ESRRG: variants seen among roughly 807,000 people sequenced by gnomAD.
ESRRG encodes the protein estrogen-related receptor gamma.
Under a neutral mutation model 44.0 loss-of-function variants are expected in ESRRG, and 13 were observed. The ratio of observed to expected loss-of-function variants is 0.30; its 90% CI spans 0.19 to 0.47. ESRRG has a LOEUF of 0.47. Among genes scored for constraint, ESRRG ranks in the 20% least tolerant of loss-of-function variants. ESRRG has a pLI of 1.00. For synonymous variants in ESRRG, 215 were observed against 214.6 expected, an observed-to-expected ratio of 1.00 and a Z score of -0.02; for missense variants, 395 against 580.6, an observed-to-expected ratio of 0.68 and a Z score of 3.29.
intron 2 of ESRRG, among the ~76,000 whole-genome samples, chr1:216,872,635 T>C (rs891684592): frequency 6.6e-6 from 1 of 152,226 alleles, no homozygotes; most frequent in African/African-American, 2.4e-5. Flanking sequence ...ATTCTTCAAT[T>C]CTAAAATTTC....
intron 1 of ESRRG, among the ~76,000 whole-genome samples, chr1:217,023,248 C>T (rs2080644715): frequency 6.6e-6 from 1 of 152,184 alleles, no homozygotes. Context: ...ATGGAATCAG[C>T]TGCAATCGTA....
At chr1:217,013,120 A>T (rs1012740451) in intron 1 of ESRRG, among the ~76,000 whole-genome samples, 1 of 152,188 alleles carries the variant, frequency 6.6e-6, no homozygotes, top group Non-Finnish European at 1.5e-5. Flanking sequence ...TTTGAACTTG[A>T]TTACCTCTGG....
intron 1 of ESRRG, among the ~76,000 whole-genome samples, chr1:217,084,091 T>A (rs547662121): frequency 6.6e-5 from 10 of 151,652 alleles, no homozygotes; most frequent in Non-Finnish European, 1.5e-4. Context: ...TTAGGTTTTT[T>A]TCCCCATTAA....
chr1:216,743,394 A>G (rs2090993769), intron 2 of ESRRG, among the ~76,000 whole-genome samples: 2 of 152,184 alleles, frequency 1.3e-5, no homozygotes, highest in South Asian at 2.1e-4. Flanking sequence ...TAAATATCTC[A>G]GTGTGAAATT....
chr1:217,043,459 C>T (rs972911847), intron 1 of ESRRG, among the ~76,000 whole-genome samples: 1 of 152,132 alleles, frequency 6.6e-6, no homozygotes, highest in African/African-American at 2.4e-5. Flanking sequence ...TCTAATTAAC[C>T]AAAATTCTCA....
At chr1:216,572,424 G>A (rs2149681951) in intron 3 of ESRRG, among the ~76,000 whole-genome samples, 1 of 151,920 alleles carries the variant, frequency 6.6e-6, no homozygotes, top group East Asian at 1.9e-4. Flanking sequence ...TTTGAAAATA[G>A]GTTTATTCAT....
chr1:216,946,480 T>C (rs991389998), intron 1 of ESRRG, among the ~76,000 whole-genome samples: 5 of 152,104 alleles, frequency 3.3e-5, no homozygotes, highest in African/African-American at 1.2e-4. Flanking sequence ...CACCCACATC[T>C]GCATGGATCA....
At chr1:216,707,363 T>C (rs1216491349) in intron 1 of ESRRG, 2 of 1,535,738 alleles carry the variant, frequency 1.3e-6, no homozygotes, top group African/African-American at 2.7e-5. Flanking sequence ...GCCCACCTTT[T>C]AGCTGAAGGA....
intron 1 of ESRRG, among the ~76,000 whole-genome samples, chr1:216,968,935 G>A (rs1440447658): frequency 6.6e-6 from 1 of 151,938 alleles, no homozygotes; most frequent in East Asian, 1.9e-4. Flanking sequence ...TATTTTCTTA[G>A]ATTTATACTC....
At chr1:216,509,935 G>A (rs181217905) in intron 6 of ESRRG, among the ~76,000 whole-genome samples, 2 of 152,234 alleles carry the variant, frequency 1.3e-5, no homozygotes, top group East Asian at 1.9e-4. Flanking sequence ...AAATTTACAC[G>A]TTGACACCAG....
intron 2 of ESRRG, among the ~76,000 whole-genome samples, chr1:216,782,598 T>G (rs2093975288): frequency 6.6e-6 from 1 of 152,076 alleles, no homozygotes; most frequent in African/African-American, 2.4e-5. Context: ...CAGAATTGAG[T>G]CATTTTCATT....
In ESRRG at chr1:216,975,436, G is replaced by A. The variant is rs1329868570; in HGVS notation, c.-105-35763C>T. On this transcript the variant is annotated intron_variant, in intron 1 of 7. Coordinates refer to the ESRRG transcript ENST00000359162. ...AGAAAGTACAAAAAGCTAGGTGCAC[G>A]GGTTGAGCCCAGGTAACAGGAGCCA... Among the ~76,000 whole-genome samples, 11 of 152,222 alleles carry A rather than the reference G, an allele frequency of 7.2e-5. No individual in the cohort carries two copies. In the East Asian group the frequency reaches 9.6e-4, roughly 13 times the overall value.
chr1:216,569,847 T>A (rs570419792), intron 3 of ESRRG, among the ~76,000 whole-genome samples: 1 of 152,172 alleles, frequency 6.6e-6, no homozygotes, highest in Non-Finnish European at 1.5e-5. Flanking sequence ...GCCATTAATA[T>A]GCGACGGGCT....
At chr1:216,564,455 T>C in intron 4 of ESRRG, 75 bp from the exon 5 acceptor site, 1 of 1,228,272 alleles carries the variant, frequency 8.1e-7, no homozygotes, top group East Asian at 2.6e-5. Flanking sequence ...GAGCATTTTG[T>C]GTTTTGAAAA....
rs2092384597 is a variant in ESRRG, at chr1:216,755,436, A to T, written c.-13-77945T>A. On this transcript the variant is annotated intron_variant, in intron 2 of 7. Transcript: ENST00000359162. ...ATTTGGTTAAATAAATGGCTAAATT[A>T]TCAAAGTGACTATATCATATCCCGA... Among the ~76,000 whole-genome samples, 3 of 152,096 alleles carry T rather than the reference A, an allele frequency of 2.0e-5. No individual in the cohort carries two copies. In the South Asian group the frequency reaches 6.2e-4, roughly 31 times the overall value.
chr1:216,771,084 C>T (rs1372444020), intron 2 of ESRRG, among the ~76,000 whole-genome samples: 1 of 152,112 alleles, frequency 6.6e-6, no homozygotes, highest in African/African-American at 2.4e-5. Context: ...AAGGGATCCT[C>T]CTGCTCCAGC....
At chr1:216,635,059 A>G (rs2065020845) in intron 3 of ESRRG, among the ~76,000 whole-genome samples, 1 of 151,450 alleles carries the variant, frequency 6.6e-6, no homozygotes, top group Admixed American at 6.6e-5. Context: ...ATATTTTGAG[A>G]CTGAAACCAT....
intron 2 of ESRRG, among the ~76,000 whole-genome samples, chr1:216,661,946 C>T (rs372026109): frequency 6.6e-6 from 1 of 152,090 alleles, no homozygotes; most frequent in African/African-American, 2.4e-5. Context: ...CTTGTTCTAC[C>T]ATTTTCCGTG....
At chr1:216,817,926 C>CTT (rs5780930) in intron 2 of ESRRG, among the ~76,000 whole-genome samples, 9 of 148,812 alleles carry the variant, frequency 6.0e-5, no homozygotes, top group Admixed American at 2.7e-4. Flanking sequence ...TTCTTCAGGG[C>CTT]TTTTTTTTTT....
Sources: gnomAD v4.1 joint callset for allele counts (sites outside exome capture counted in the v4.1 genomes callset) on GRCh38, gnomAD v4.1.1 for gene constraint, MANE v1.5 for transcripts, NCBI Gene and HGNC (gene_info 2026-07-23, HGNC 2026-07-21) for gene names.